CEP350: variants seen among roughly 807,000 people sequenced by gnomAD.
CEP350 encodes the protein centrosomal protein 350, also known as centrosome-associated protein 350.
Under a neutral mutation model 331.8 loss-of-function variants are expected in CEP350, and 126 were observed. The observed-to-expected ratio is 0.38, with a 90% CI of 0.33 to 0.44. The LOEUF is 0.44. Ranked by LOEUF, CEP350 falls within the 20% of genes least tolerant of loss-of-function variation. CEP350 has a pLI of 1.00. For missense variants in CEP350, 3,406 were observed against 3,634.6 expected (o/e 0.94, Z 1.62); for synonymous variants, 1,200 against 1,259.5 (o/e 0.95, Z 1.00).
At chr1:180,047,329 A>G (rs1657185412) in intron 21 of CEP350, among the ~76,000 whole-genome samples, 1 of 152,192 alleles carries the variant, frequency 6.6e-6, no homozygotes, top group African/African-American at 2.4e-5. Flanking sequence ...CAAAATCAGA[A>G]GTTCACATGG....
chr1:179,975,974 TAA>T (rs1651832952), intron 1 of CEP350, among the ~76,000 whole-genome samples: 2 of 151,970 alleles, frequency 1.3e-5, no homozygotes, highest in Non-Finnish European at 1.5e-5. Flanking sequence ...CATCAGGAGT[TAA>T]GAGAGGTAAG....
intron 14 of CEP350, among the ~76,000 whole-genome samples, chr1:180,030,478 AACAT>A (rs1314377755): frequency 6.6e-6 from 1 of 151,662 alleles, no homozygotes; most frequent in Non-Finnish European, 1.5e-5. Flanking sequence ...CTGCTGTTTA[AACAT>A]ACAATCAAGA....
At chr1:180,041,876 G>C (rs1049658739) in intron 19 of CEP350, 74 bp downstream of exon 19, 1 of 1,365,126 alleles carries the variant, frequency 7.3e-7, no homozygotes, top group African/African-American at 1.5e-5. Flanking sequence ...TTCAGTAATG[G>C]GTTTCTAATA....
chr1:180,060,310 C>T (rs1320162707), intron 25 of CEP350, among the ~76,000 whole-genome samples: 1 of 151,578 alleles, frequency 6.6e-6, no homozygotes, highest in African/African-American at 2.4e-5. Flanking sequence ...TCTTCACTTA[C>T]AGCATTGTTT....
Position 180,075,174 on chromosome 1 carries a change from C to T in CEP350, c.5720C>T (p.Pro1907Leu). The T allele has an allele frequency of 6.2e-7, 1 of 1,613,220 alleles. No homozygotes were observed. The highest frequency in any genetic ancestry group is 8.5e-7 in the Non-Finnish European group (1 of 1,179,620). ...GCCTGGGACAAAGAATTAATAAAAC[C>T]CAAAACTCCTAAGAAAGAACTGGAG... ...LAAWDKELIK[P>L]KTPKKELEDQ... The change falls in exon 28 of 38, where the codon CCC (proline) becomes CTC (leucine). Residue 1907 changes from proline (P) to leucine (L), a missense_variant. Physicochemically the swap from Pro to Leu is moderately conservative, Grantham distance 98. This residue lies in a region of CEP350 where 1,415 missense variants were observed against 1,512.3 expected (regional missense o/e 0.94). Coordinates refer to ENST00000367607, the MANE Select transcript of CEP350 (RefSeq NM_014810.5).
intron 4 of CEP350, 71 bp downstream of exon 4, chr1:179,990,692 C>T: frequency 1.3e-6 from 1 of 790,290 alleles, no homozygotes; most frequent in Non-Finnish European, 2.0e-6. Flanking sequence ...ACAGCTAGAT[C>T]TACAGGGGTG....
At chr1:179,965,401 G>C (rs1650927729) in intron 1 of CEP350, among the ~76,000 whole-genome samples, 1 of 152,040 alleles carries the variant, frequency 6.6e-6, no homozygotes, top group South Asian at 2.1e-4. Context: ...GTAGAAGTCT[G>C]TTAGGTCCGT....
At chr1:180,044,195 TGTCA>T in intron 21 of CEP350, 22 bp downstream of exon 21, 1 of 1,545,746 alleles carries the variant, frequency 6.5e-7, no homozygotes. Context: ...TTGATTTCTT[TGTCA>T]GTACAGTTTA....
chr1:180,061,616 G>A (rs982795467), intron 25 of CEP350, among the ~76,000 whole-genome samples: 7 of 152,232 alleles, frequency 4.6e-5, no homozygotes, highest in African/African-American at 1.7e-4. Flanking sequence ...TATTCTGTGT[G>A]GAGAGATATT....
Position 180,044,032 on chromosome 1 carries a change from G to A in CEP350, c.4500-19G>A. ...ATTAGAGACTTTGAATGTTTAATCAGTTTTTATTTTATTTGTAGGAAAAGT... is the reference window on the plus strand; with the variant it reads ...ATTAGAGACTTTGAATGTTTAATCAATTTTTATTTTATTTGTAGGAAAAGT... On this transcript the variant is annotated intron_variant, in intron 20 of 37. Transcript: ENST00000367607. The A allele has an allele frequency of 6.6e-7, 1 of 1,513,852 alleles. No individual in the cohort carries two copies. The highest frequency in any genetic ancestry group is 2.3e-5 in the Admixed American group (1 of 42,984). 93.8% of individuals were successfully genotyped at this position (1,513,852 alleles called of 1,614,324 possible). A position where few individuals can be genotyped will look rare whatever the true frequency, so the allele number is the denominator to read the frequency against.
In CEP350 at chr1:180,093,644, T is replaced by A; in HGVS notation, c.7539T>A (p.Leu2513=). 1 of 1,613,990 alleles carries A rather than the reference T, an allele frequency of 6.2e-7. No individual in the cohort carries two copies. Among genetic ancestry groups the A allele is most frequent in the East Asian group, 2.2e-5 (1 of 44,880 alleles). Residue 2513 remains leucine (L), a synonymous_variant, in exon 34 of 38, where the codon CTT becomes CTA. Coordinates refer to ENST00000367607, the MANE Select transcript of CEP350 (RefSeq NM_014810.5). ...VLIGNVQPGI[L]RFKGETSFAK... ...TTGGAAATGTTCAGCCAGGAATTCTTCGATTCAAAGGTGAGACTAGTTTTG... is the reference window on the plus strand; with the variant it reads ...TTGGAAATGTTCAGCCAGGAATTCTACGATTCAAAGGTGAGACTAGTTTTG...
chr1:179,972,820 T>C (rs1651550759), intron 1 of CEP350, among the ~76,000 whole-genome samples: 2 of 152,080 alleles, frequency 1.3e-5, no homozygotes, highest in South Asian at 4.1e-4. Context: ...GGCAACCACA[T>C]TGGAGTTGCT....
intron 28 of CEP350, among the ~76,000 whole-genome samples, chr1:180,075,609 A>T (rs1182340121): frequency 2.0e-5 from 3 of 151,972 alleles, no homozygotes; most frequent in African/African-American, 7.3e-5. Context: ...GATTGAGGTG[A>T]TGCAAATGAT....
At chr1:179,984,475 A>G (rs58463801) in intron 1 of CEP350, among the ~76,000 whole-genome samples, 18,207 of 152,248 alleles carry the variant, frequency 0.12, 1,172 homozygotes, top group South Asian at 0.16. Context: ...GTTCTTTGCC[A>G]CATGGACATC....
chr1:180,023,162 A>G (rs1223019269), intron 13 of CEP350, among the ~76,000 whole-genome samples: 3 of 152,078 alleles, frequency 2.0e-5, no homozygotes, highest in Non-Finnish European at 2.9e-5. Flanking sequence ...TAAATGAAAT[A>G]TAGGGAGGCT....
At chr1:180,108,558 G>A (rs144544783) in intron 37 of CEP350, among the ~76,000 whole-genome samples, 364 of 152,236 alleles carry the variant, frequency 2.4e-3, no homozygotes, top group Admixed American at 5.2e-3. Context: ...GGAAAGCTGC[G>A]CAACTTTGAA....
chr1:180,094,780 G>T (rs564143425), intron 34 of CEP350, among the ~76,000 whole-genome samples, 164 bp downstream of exon 34: 1 of 152,158 alleles, frequency 6.6e-6, no homozygotes, highest in East Asian at 1.9e-4. Context: ...GTTTTTAAAG[G>T]CCTTGTAGCT....
At chr1:180,041,870 G>C in intron 19 of CEP350, 68 bp downstream of exon 19, 1 of 1,415,202 alleles carries the variant, frequency 7.1e-7, no homozygotes, top group Non-Finnish European at 9.7e-7. Context: ...TTGATCTTCA[G>C]TAATGGGTTT....
At chr1:179,968,492 T>C (rs1179646348) in intron 1 of CEP350, among the ~76,000 whole-genome samples, 1 of 152,146 alleles carries the variant, frequency 6.6e-6, no homozygotes, top group Non-Finnish European at 1.5e-5. Flanking sequence ...TAAGGAGTCA[T>C]TAAAGGCTTC....
Sources: gnomAD v4.1 joint callset for allele counts (sites outside exome capture counted in the v4.1 genomes callset) on GRCh38, gnomAD v4.1.1 for gene constraint, gnomAD v4.1.1 regional missense constraint, MANE v1.5 for transcripts, NCBI Gene and HGNC (gene_info 2026-07-23, HGNC 2026-07-21) for gene names.